Variants in PHACTR1 observed in about 807,000 individuals in gnomAD.
PHACTR1 encodes phosphatase and actin regulator 1, also known as RPEL repeat containing 1.
In PHACTR1, 16 loss-of-function variants were observed where a neutral mutation model predicts 69.2. That is an observed-to-expected ratio of 0.23 (90% CI 0.16 to 0.35). The LOEUF is 0.35. PHACTR1 is among the 10% of genes least tolerant of loss of function. The pLI is 1.00. For synonymous variants in PHACTR1, 312 were observed against 284.5 expected, an observed-to-expected ratio of 1.10 and a Z score of -0.97; for missense variants, 510 against 734.7, an observed-to-expected ratio of 0.69 and a Z score of 3.54.
intron 4 of PHACTR1, among the ~76,000 whole-genome samples, chr6:12,945,172 T>C (rs1790539416): frequency 6.6e-6 from 1 of 152,150 alleles, no homozygotes; most frequent in African/African-American, 2.4e-5. Context: ...TTGCCTCCTT[T>C]ATTCCCATCT....
rs2127503682 is a variant in PHACTR1 at position 13,287,117 on chromosome 6, CAT to C, written c.*41_*42del. 3 of 1,571,954 alleles carry C rather than the reference CAT, an allele frequency of 1.9e-6. No individual in the cohort carries two copies. In the East Asian group the frequency reaches 6.8e-5, roughly 35 times the overall value. On this transcript the variant is annotated 3_prime_UTR_variant, in exon 15 of 15. Coordinates refer to ENST00000332995, the MANE Select transcript of PHACTR1 (RefSeq NM_030948.6). ...CTTGAGTGCTATGCTGTCTTCAAAA[CAT>C]AAATTTATAAGAACCATAAGTGCTG...
chr6:12,830,060 G>GAAGT (rs1777283514), intron 4 of PHACTR1, among the ~76,000 whole-genome samples: 1 of 139,468 alleles, frequency 7.2e-6, no homozygotes, highest in African/African-American at 2.7e-5. Context: ...AGGAAGGAAG[G>GAAGT]AAGGAAAAGA....
intron 4 of PHACTR1, among the ~76,000 whole-genome samples, chr6:12,858,807 TACACAC>T (rs35797103): frequency 2.0e-5 from 3 of 149,592 alleles, no homozygotes; most frequent in South Asian, 4.2e-4. Context: ...AACACATACA[TACACAC>T]ACACACACAC....
intron 5 of PHACTR1, among the ~76,000 whole-genome samples, chr6:13,063,196 C>T (rs748732484): frequency 2.0e-5 from 3 of 152,066 alleles, no homozygotes; most frequent in Admixed American, 6.6e-5. Flanking sequence ...ACAGTGAGGA[C>T]GGACATGGCC....
intron 5 of PHACTR1, among the ~76,000 whole-genome samples, chr6:13,076,415 T>TCATG (rs1454210947): frequency 6.6e-6 from 1 of 152,166 alleles, no homozygotes; most frequent in Non-Finnish European, 1.5e-5. Context: ...CTTCACCTGT[T>TCATG]CATGCATGCA....
At chr6:12,751,263 C>T (rs140977830) in intron 4 of PHACTR1, among the ~76,000 whole-genome samples, 1 of 152,330 alleles carries the variant, frequency 6.6e-6, no homozygotes, top group African/African-American at 2.4e-5. Context: ...TTGCCTCTGA[C>T]TTTGGAGCTG....
At chr6:12,876,875 C>A (rs537521464) in intron 4 of PHACTR1, among the ~76,000 whole-genome samples, 4 of 152,204 alleles carry the variant, frequency 2.6e-5, no homozygotes, top group African/African-American at 9.6e-5. Context: ...TCAGTCTGAG[C>A]CTAAAGGCCT....
intron 5 of PHACTR1, among the ~76,000 whole-genome samples, chr6:13,076,025 A>ATT (rs1449439163): frequency 6.1e-5 from 7 of 115,530 alleles, no homozygotes; most frequent in South Asian, 3.6e-4. Flanking sequence ...GCAAGGGAGC[A>ATT]TCTTTTTTTT....
At chr6:13,250,939 TGAA>T (rs1200325411) in intron 10 of PHACTR1, among the ~76,000 whole-genome samples, 1 of 152,124 alleles carries the variant, frequency 6.6e-6, no homozygotes, top group Non-Finnish European at 1.5e-5. Flanking sequence ...AACACTGTGG[TGAA>T]GAGAGGCTGA....
chr6:12,912,436 T>G (rs1786517415), intron 4 of PHACTR1, among the ~76,000 whole-genome samples: 2 of 152,210 alleles, frequency 1.3e-5, no homozygotes, highest in South Asian at 4.1e-4. Context: ...AAAGAGAGAC[T>G]CCGTTGTCCA....
chr6:12,960,837 A>G (rs1792625002), intron 4 of PHACTR1, among the ~76,000 whole-genome samples: 1 of 152,222 alleles, frequency 6.6e-6, no homozygotes, highest in African/African-American at 2.4e-5. Flanking sequence ...ACTAGGGACA[A>G]CACAGAATCT....
At chr6:13,257,959 G>A (rs1008838340) in intron 10 of PHACTR1, among the ~76,000 whole-genome samples, 6 of 152,150 alleles carry the variant, frequency 3.9e-5, no homozygotes, top group African/African-American at 1.4e-4. Context: ...GAGCACCCAG[G>A]TGATGCTGAC....
intron 4 of PHACTR1, among the ~76,000 whole-genome samples, chr6:13,038,073 A>G (rs4373361): frequency 0.16 from 25,066 of 152,228 alleles, 2,564 homozygotes; most frequent in South Asian, 0.26. Context: ...TTATTTGGAG[A>G]TGCAGAGTCA....
chr6:13,252,553 G>A (rs1211008977), intron 10 of PHACTR1, among the ~76,000 whole-genome samples: 1 of 148,624 alleles, frequency 6.7e-6, no homozygotes, highest in Non-Finnish European at 1.5e-5. Flanking sequence ...AATTTTCAAA[G>A]AATGCAAAAA....
intron 5 of PHACTR1, among the ~76,000 whole-genome samples, chr6:13,055,524 A>T (rs571179295): frequency 7.2e-5 from 11 of 152,194 alleles, no homozygotes; most frequent in East Asian, 3.9e-4. Context: ...CATTGAAAAA[A>T]ATATATATAT....
intron 4 of PHACTR1, among the ~76,000 whole-genome samples, chr6:12,897,124 C>G (rs1172450325): frequency 1.3e-5 from 2 of 152,170 alleles, no homozygotes; most frequent in Non-Finnish European, 1.5e-5. Flanking sequence ...CTGAAAACAA[C>G]AGGTAATTAA....
At chr6:13,077,187 A>AAAAT (rs1554122442) in intron 5 of PHACTR1, among the ~76,000 whole-genome samples, 1 of 147,828 alleles carries the variant, frequency 6.8e-6, no homozygotes, top group South Asian at 2.1e-4. Context: ...AAAAAAAAAA[A>AAAAT]AAAGTGATTG....
intron 4 of PHACTR1, among the ~76,000 whole-genome samples, chr6:12,913,255 T>C (rs1401061355): frequency 6.6e-6 from 1 of 152,212 alleles, no homozygotes; most frequent in Non-Finnish European, 1.5e-5. Flanking sequence ...CCTGTGAGGC[T>C]AGGCTGTCAG....
intron 4 of PHACTR1, among the ~76,000 whole-genome samples, chr6:12,753,722 C>T (rs929976921): frequency 7.2e-5 from 11 of 152,094 alleles, no homozygotes; most frequent in Admixed American, 6.5e-4. Flanking sequence ...GTCTCTTTCA[C>T]CCTTTCAGGC....
Sources: gnomAD v4.1 joint callset for allele counts (sites outside exome capture counted in the v4.1 genomes callset) on GRCh38, gnomAD v4.1.1 for gene constraint, MANE v1.5 for transcripts, NCBI Gene and HGNC (gene_info 2026-07-23, HGNC 2026-07-21) for gene names.